Variants in PACRG observed in about 807,000 individuals in gnomAD.
The protein encoded by PACRG is parkin coregulated.
Under a neutral mutation model 29.7 loss-of-function variants are expected in PACRG, and 29 were observed. That is an observed-to-expected ratio of 0.98 (90% CI 0.73 to 1.33). The LOEUF is 1.33. Ranked by LOEUF, PACRG falls within the 40% of genes most tolerant of loss-of-function variation. PACRG has a pLI of 0.00. For missense variants in PACRG, 279 were observed against 316.2 expected, an observed-to-expected ratio of 0.88 and a Z score of 0.89; for synonymous variants, 116 against 118.7, an observed-to-expected ratio of 0.98 and a Z score of 0.15.
At chr6:162,798,264 T>C (rs537391780) in intron 1 of PACRG, among the ~76,000 whole-genome samples, 13 of 152,316 alleles carry the variant, frequency 8.5e-5, no homozygotes, top group Non-Finnish European at 1.5e-4. Flanking sequence ...GGGTCCCTCT[T>C]CTGCCTCTTT....
At chr6:162,828,461 G>A (rs939968096) in intron 2 of PACRG, among the ~76,000 whole-genome samples, 1 of 152,178 alleles carries the variant, frequency 6.6e-6, no homozygotes, top group Non-Finnish European at 1.5e-5. Context: ...CATTACCTGA[G>A]TACTTACTGG....
intron 4 of PACRG, among the ~76,000 whole-genome samples, chr6:163,265,328 CA>C (rs1783489433): frequency 6.6e-6 from 1 of 152,132 alleles, no homozygotes; most frequent in Non-Finnish European, 1.5e-5. Flanking sequence ...GGAGGGCCTG[CA>C]GGCTGACAGT....
chr6:163,288,548 C>T (rs149431708), intron 4 of PACRG, among the ~76,000 whole-genome samples: 3 of 152,290 alleles, frequency 2.0e-5, no homozygotes, highest in African/African-American at 7.2e-5. Flanking sequence ...AAGAGTTTCG[C>T]GACTGTCATA....
chr6:163,111,407 C>T (rs1318890406), intron 4 of PACRG, among the ~76,000 whole-genome samples: 5 of 152,162 alleles, frequency 3.3e-5, no homozygotes, highest in African/African-American at 1.2e-4. Flanking sequence ...GGTGTTTATG[C>T]CACTTTTATG....
chr6:162,922,828 G>A (rs1358799781), intron 2 of PACRG, among the ~76,000 whole-genome samples: 1 of 152,138 alleles, frequency 6.6e-6, no homozygotes, highest in Non-Finnish European at 1.5e-5. Flanking sequence ...CATTCAGGTT[G>A]ATTTCATATC....
At chr6:162,939,661 A>G (rs1798477504) in intron 2 of PACRG, among the ~76,000 whole-genome samples, 1 of 134,766 alleles carries the variant, frequency 7.4e-6, no homozygotes, top group African/African-American at 2.9e-5. Flanking sequence ...TTAATTTTAC[A>G]TCTCCTGTAT....
chr6:162,727,570 AC>A (rs2128243031), upstream of PACRG: 1 of 1,353,520 alleles, frequency 7.4e-7, no homozygotes, highest in South Asian at 1.2e-5. Flanking sequence ...GACAGTTGGC[AC>A]CGGGGGTCCT....
At position 162,914,504 on chromosome 6, in the gene PACRG, TTTTG is replaced by T. The variant is rs1373019520; in HGVS notation, c.291+100227_291+100230del. Among the ~76,000 whole-genome samples, 615 of 96,368 alleles carry T rather than the reference TTTTG, an allele frequency of 6.4e-3. 7 individuals carry two copies. The highest frequency in any genetic ancestry group is 0.021 in the African/African-American group (511 of 24,596). 63.2% of individuals were successfully genotyped at this position (96,368 alleles called of 152,430 possible). ...CATAAGGTCTCAAAGTTTTGTACTTTTTTGTTTTTTTTTTTTTTTTTTTTTTAGT... is the reference window on the plus strand; with the variant it reads ...CATAAGGTCTCAAAGTTTTGTACTTTTTTTTTTTTTTTTTTTTTTTTTAGT... On this transcript the variant is annotated intron_variant, in intron 2 of 4. Coordinates refer to ENST00000366888, the MANE Select transcript of PACRG (RefSeq NM_001080379.2).
chr6:163,076,277 G>T (rs550739377), intron 3 of PACRG, among the ~76,000 whole-genome samples: 1 of 152,126 alleles, frequency 6.6e-6, no homozygotes, highest in Non-Finnish European at 1.5e-5. Context: ...GGACTACTGG[G>T]AATCTCCCCA....
intron 1 of PACRG, among the ~76,000 whole-genome samples, chr6:162,774,739 T>C (rs1406572934): frequency 6.6e-6 from 1 of 152,172 alleles, no homozygotes; most frequent in African/African-American, 2.4e-5. Flanking sequence ...TAGAAACACA[T>C]AAAATTTATC....
intron 4 of PACRG, among the ~76,000 whole-genome samples, chr6:163,278,055 T>C (rs1784109520): frequency 6.6e-6 from 1 of 152,168 alleles, no homozygotes; most frequent in Admixed American, 6.5e-5. Flanking sequence ...GGTATTGCAT[T>C]GTGGTTTTGA....
intron 4 of PACRG, among the ~76,000 whole-genome samples, chr6:163,224,804 AT>A (rs57238826): frequency 0.15 from 22,749 of 152,170 alleles, 1,793 homozygotes; most frequent in Admixed American, 0.19. Flanking sequence ...TGTTTTTGAT[AT>A]AACCCAAAAG....
At chr6:162,873,651 T>C (rs1793018755) in intron 2 of PACRG, among the ~76,000 whole-genome samples, 1 of 152,102 alleles carries the variant, frequency 6.6e-6, no homozygotes, top group South Asian at 2.1e-4. Context: ...AGAGCCCAAC[T>C]AGATCCTAAA....
chr6:162,949,070 T>C (rs2128130443), intron 2 of PACRG, among the ~76,000 whole-genome samples: 1 of 152,294 alleles, frequency 6.6e-6, no homozygotes, highest in Non-Finnish European at 1.5e-5. Flanking sequence ...ATTGCAGCAC[T>C]ACTCACAACA....
chr6:163,157,371 C>T (rs147608816), intron 4 of PACRG, among the ~76,000 whole-genome samples: 2 of 152,262 alleles, frequency 1.3e-5, no homozygotes, highest in Non-Finnish European at 2.9e-5. Context: ...CAGGACCCAC[C>T]CTCCGAGGTG....
chr6:162,939,237 T>G (rs1324559736), intron 2 of PACRG, among the ~76,000 whole-genome samples: 1 of 152,186 alleles, frequency 6.6e-6, no homozygotes, highest in Non-Finnish European at 1.5e-5. Flanking sequence ...ACCTCTCACC[T>G]TATGCAAAAA....
chr6:163,232,939 G>T (rs1184094179), intron 4 of PACRG, among the ~76,000 whole-genome samples: 1 of 152,106 alleles, frequency 6.6e-6, no homozygotes, highest in Non-Finnish European at 1.5e-5. Flanking sequence ...TGCTCCTCCA[G>T]CTGAAATACT....
chr6:163,221,101 T>C (rs957946649), intron 4 of PACRG, among the ~76,000 whole-genome samples: 3 of 152,218 alleles, frequency 2.0e-5, no homozygotes, highest in African/African-American at 7.2e-5. Flanking sequence ...GAAGACAAAA[T>C]ACATAAGAAA....
chr6:162,881,118 C>G (rs1793801134), intron 2 of PACRG, among the ~76,000 whole-genome samples: 1 of 152,240 alleles, frequency 6.6e-6, no homozygotes, highest in Admixed American at 6.5e-5. Flanking sequence ...GTATGGACCA[C>G]AGGCTCAGCC....
Sources: gnomAD v4.1 joint callset for allele counts (sites outside exome capture counted in the v4.1 genomes callset) on GRCh38, gnomAD v4.1.1 for gene constraint, MANE v1.5 for transcripts, NCBI Gene and HGNC (gene_info 2026-07-23, HGNC 2026-07-21) for gene names.